RMDN1: variants seen among roughly 807,000 people sequenced by gnomAD.
RMDN1 encodes the protein regulator of microtubule dynamics 1, also known as regulator of microtubule dynamics protein 1.
In RMDN1, 48 loss-of-function variants were observed where a neutral mutation model predicts 48.9. The observed-to-expected ratio is 0.98, with a 90% CI of 0.78 to 1.25. The LOEUF is 1.25. Among genes scored for constraint, RMDN1 ranks in the 50% most tolerant of loss-of-function variants. The pLI, the probability that RMDN1 is intolerant of heterozygous loss-of-function variation, is 0.00. For synonymous variants in RMDN1, 148 were observed against 132.6 expected, an observed-to-expected ratio of 1.12 and a Z score of -0.80; for missense variants, 418 against 373.4, an observed-to-expected ratio of 1.12 and a Z score of -0.98.
At chr8:86,513,121 T>C (rs1820137809), upstream of RMDN1, among the ~76,000 whole-genome samples, 1 of 152,006 alleles carries the variant, frequency 6.6e-6, no homozygotes, top group Admixed American at 6.5e-5. Context: ...ACACCTGTAA[T>C]CTCAGCACTT....
chr8:86,480,378 C>T (rs1163762185), intron 5 of RMDN1, 46 bp from the exon 6 acceptor site: 13 of 1,088,482 alleles, frequency 1.2e-5, no homozygotes, highest in Non-Finnish European at 1.7e-5. Flanking sequence ...TTCTAAACAC[C>T]AATAAGTGCT....
rs1349743110 is a variant in RMDN1 at position 86,508,440 on chromosome 8, C to T, written c.129+52G>A. The T allele has an allele frequency of 8.6e-6, 13 of 1,510,792 alleles. No individual in the cohort carries two copies. The African/African-American group carries it at 1.5e-4, about 18-fold the overall frequency. 93.6% of individuals were successfully genotyped at this position (1,510,792 alleles called of 1,614,324 possible). On this transcript the variant is annotated intron_variant, in intron 1 of 9. Transcript: ENST00000406452. ...GCCACCACTTAAGTTAAGGGGGAGC[C>T]GGAACCCACTGAGTAGGAAGTGAGG...
intron 5 of RMDN1, chr8:86,483,104 G>T: frequency 2.6e-6 from 1 of 388,258 alleles, no homozygotes; most frequent in South Asian, 5.9e-5. Context: ...TCCTGCCACT[G>T]GTCTTTCAAA....
rs186063483 is a variant in RMDN1 at position 86,488,457 on chromosome 8, A to G, written c.335+95T>C. ...TTTGAAGTAAAAACTACAATAATCA[A>G]TTTTTAAAACCTCAAGCACTAAGGG... is the stretch of plus-strand genomic sequence containing the variant. On this transcript the variant is annotated intron_variant, in intron 3 of 9. Coordinates refer to ENST00000406452, the MANE Select transcript of RMDN1 (RefSeq NM_016033.3). The G allele has an allele frequency of 3.9e-5, 23 of 591,316 alleles. No homozygotes were observed. The Admixed American group carries it at 7.0e-4, about 18-fold the overall frequency. 36.6% of individuals were successfully genotyped at this position (591,316 alleles called of 1,614,324 possible). A position where few individuals can be genotyped will look rare whatever the true frequency, so the allele number is the denominator to read the frequency against.
intron 3 of RMDN1, among the ~76,000 whole-genome samples, chr8:86,486,900 T>A (rs1563614377): frequency 6.6e-6 from 1 of 150,942 alleles, no homozygotes; most frequent in South Asian, 2.1e-4. Flanking sequence ...TTCAAAAATA[T>A]CTTTGCATTC....
chr8:86,480,919 A>T (rs898811571), intron 5 of RMDN1, among the ~76,000 whole-genome samples: 4 of 152,134 alleles, frequency 2.6e-5, no homozygotes, highest in Non-Finnish European at 4.4e-5. Context: ...TAATAGAATA[A>T]TTATGTGCAA....
chr8:86,475,928 A>G (rs1235302134), intron 8 of RMDN1, among the ~76,000 whole-genome samples: 2 of 152,182 alleles, frequency 1.3e-5, no homozygotes, highest in Non-Finnish European at 2.9e-5. Flanking sequence ...TGAGTGTGCA[A>G]TTGTGAGCCA....
downstream of RMDN1, chr8:86,470,538 A>G: frequency 1.6e-6 from 1 of 632,898 alleles, no homozygotes. Context: ...CCCAGGAGCC[A>G]CACTCCTGGG....
intron 2 of RMDN1, among the ~76,000 whole-genome samples, chr8:86,506,641 C>T (rs1819412834): frequency 6.6e-6 from 1 of 152,192 alleles, no homozygotes; most frequent in African/African-American, 2.4e-5. Context: ...TTGGTGCTTA[C>T]ACATCTCAGA....
intron 2 of RMDN1, among the ~76,000 whole-genome samples, chr8:86,497,116 G>C (rs1022242159): frequency 2.6e-5 from 4 of 152,136 alleles, no homozygotes; most frequent in African/African-American, 9.7e-5. Context: ...TACCATCCCA[G>C]AATCTGTGAG....
chr8:86,487,024 A>G (rs1200941603), intron 3 of RMDN1, among the ~76,000 whole-genome samples: 1 of 152,260 alleles, frequency 6.6e-6, no homozygotes, highest in African/African-American at 2.4e-5. Context: ...CATAAAATAC[A>G]TAAATTTTAT....
chr8:86,491,611 A>G (rs1255519612), intron 2 of RMDN1, among the ~76,000 whole-genome samples: 2 of 152,296 alleles, frequency 1.3e-5, no homozygotes, highest in East Asian at 3.9e-4. Context: ...TATAAAACAG[A>G]CTAAACTTTT....
upstream of RMDN1, among the ~76,000 whole-genome samples, chr8:86,512,737 T>C (rs1440392574): frequency 1.7e-5 from 2 of 120,662 alleles, no homozygotes; most frequent in Non-Finnish European, 3.6e-5. Flanking sequence ...GTTTGTTGAA[T>C]AAATGAATGA....
chr8:86,514,281 C>A, exon 1 of RMDN1: 3 of 985,298 alleles, frequency 3.0e-6, no homozygotes, highest in Non-Finnish European at 3.6e-6. Flanking sequence ...CGACTGGCCT[C>A]CAGAATGGCC....
downstream of RMDN1, among the ~76,000 whole-genome samples, chr8:86,471,108 G>A (rs1285904057): frequency 6.7e-6 from 1 of 149,118 alleles, no homozygotes; most frequent in Non-Finnish European, 1.5e-5. Flanking sequence ...TATATGAGAT[G>A]TTAGCACTGG....
At chr8:86,479,986 A>G (rs1457023642) in intron 6 of RMDN1, among the ~76,000 whole-genome samples, 2 of 152,166 alleles carry the variant, frequency 1.3e-5, no homozygotes, top group African/African-American at 4.8e-5. Context: ...CTACTGTTTT[A>G]CTATAGTTAC....
chr8:86,491,754 T>C (rs1459655600), intron 2 of RMDN1, among the ~76,000 whole-genome samples: 3 of 152,214 alleles, frequency 2.0e-5, no homozygotes, highest in Admixed American at 6.5e-5. Context: ...AATTAGAATT[T>C]TTTAAAGAAA....
chr8:86,474,810 G>A lies in RMDN1; in HGVS notation c.894+10C>T. On this transcript the variant is annotated intron_variant, in intron 9 of 9. Coordinates refer to ENST00000406452, the MANE Select transcript of RMDN1 (RefSeq NM_016033.3). ...AACCTTTCTGCCTTACTTTATGGGAGATGTTTTACCTGTTTATCCTCCTCT... is the reference window on the plus strand; with the variant it reads ...AACCTTTCTGCCTTACTTTATGGGAAATGTTTTACCTGTTTATCCTCCTCT... The A allele has an allele frequency of 6.9e-6, 11 of 1,599,378 alleles. No homozygotes were observed. The highest frequency in any genetic ancestry group is 9.4e-6 in the Non-Finnish European group (11 of 1,174,816).
chr8:86,492,674 A>AATAATG (rs1261398653), intron 2 of RMDN1, among the ~76,000 whole-genome samples: 4 of 149,992 alleles, frequency 2.7e-5, no homozygotes, highest in African/African-American at 9.8e-5. Context: ...TAATAATAAT[A>AATAATG]ATAATAATAA....
Sources: allele counts gnomAD v4.1 joint callset (sites outside exome capture counted in the v4.1 genomes callset), GRCh38; gene constraint gnomAD v4.1.1; transcripts MANE v1.5; gene names NCBI Gene and HGNC (gene_info 2026-07-23, HGNC 2026-07-21).